TRMT44: variants seen among roughly 807,000 people sequenced by gnomAD.
The protein encoded by TRMT44 is tRNA methyltransferase 44 homolog, also known as probable tRNA (uracil-O(2)-)-methyltransferase.
TRMT44 carries 78 observed loss-of-function variants against 77.3 expected under a neutral mutation model. The ratio of observed to expected loss-of-function variants is 1.01; its 90% CI spans 0.84 to 1.22. The LOEUF (loss-of-function observed/expected upper bound fraction) is 1.22, where lower values mean the gene tolerates loss of function less well. Ranked by LOEUF, TRMT44 falls within the 50% of genes most tolerant of loss-of-function variation. TRMT44 has a pLI of 0.00. For missense variants in TRMT44, 1,090 were observed against 964.4 expected, an observed-to-expected ratio of 1.13 and a Z score of -1.73; for synonymous variants, 391 against 383.3, an observed-to-expected ratio of 1.02 and a Z score of -0.23.
chr4:8,511,651 C>T, the TRMT44 span, among the ~76,000 whole-genome samples: 8 of 151,744 alleles, frequency 5.3e-5, no homozygotes, highest in African/African-American at 1.9e-4. Flanking sequence ...TCGGCTCAAT[C>T]AAGGCTTCTA....
chr4:8,459,331 C>T lies in TRMT44; in HGVS notation c.1203+4518C>T, dbSNP rs80074214. 8.7e-4 allele frequency among the ~76,000 whole-genome samples: 132 copies of T among 152,304 alleles called. 1 individual carries two copies. Among genetic ancestry groups the T allele is most frequent in the African/African-American group, 3.1e-3 (130 of 41,550 alleles). ...TCCAGTGCTGTGTGTGGATGCCTTT[C>T]TAAAGGTAAATGTATTTTATGTACA... is the stretch of plus-strand genomic sequence containing the variant. On this transcript the variant is annotated intron_variant, in intron 6 of 10. Coordinates refer to ENST00000389737, the MANE Select transcript of TRMT44 (RefSeq NM_152544.3).
chr4:8,465,269 A>C, intron 7 of TRMT44, 109 bp from the exon 8 acceptor site: 1 of 991,704 alleles, frequency 1.0e-6, no homozygotes, highest in Non-Finnish European at 1.5e-6. Flanking sequence ...CAGGAACATC[A>C]CTTCCCTATT....
chr4:8,450,795 T>TG (rs1485079030), intron 3 of TRMT44, among the ~76,000 whole-genome samples: 60 of 142,998 alleles, frequency 4.2e-4, no homozygotes, highest in African/African-American at 1.5e-3. Context: ...TTTCCATGTT[T>TG]TTTTTTTTTT....
rs1725531524 is a variant in TRMT44 at position 8,452,709 on chromosome 4, G to A, written c.1024-173G>A. On this transcript the variant is annotated intron_variant, in intron 4 of 10. Transcript: ENST00000389737. This position sits in a 1 kb window ranked among gnomAD's most constrained non-coding sequence, Gnocchi z 5.7. ...AGATTGCATCATTGCACTCTAGCCT[G>A]GGCGGCAAGAGCAACACTCCATCTC... 6.6e-6 allele frequency among the ~76,000 whole-genome samples: 1 copy of A among 151,882 alleles called. No individual in the cohort carries two copies. Among genetic ancestry groups the A allele is most frequent in the Non-Finnish European group, 1.5e-5 (1 of 67,992 alleles).
chr4:8,492,396 A>G (rs772906159), intron 2 of TRMT44, among the ~76,000 whole-genome samples: 4 of 152,206 alleles, frequency 2.6e-5, no homozygotes, highest in African/African-American at 4.8e-5. Flanking sequence ...TGCAAAAATT[A>G]TAACAGAAAA....
At chr4:8,463,376 C>T (rs1330397322) in intron 6 of TRMT44, among the ~76,000 whole-genome samples, 1 of 152,204 alleles carries the variant, frequency 6.6e-6, no homozygotes, top group African/African-American at 2.4e-5. Context: ...CTGTCCTCAG[C>T]TTAACTGCAG....
the TRMT44 span, among the ~76,000 whole-genome samples, chr4:8,499,862 TGAGTCAGGA>T: frequency 0.023 from 3,435 of 152,220 alleles, 74 homozygotes; most frequent in African/African-American, 0.053. Context: ...CCTGAACTCC[TGAGTCAGGA>T]GTTTACTATA....
At chr4:8,483,506 C>T (rs1038894509) in intron 2 of TRMT44, among the ~76,000 whole-genome samples, 1 of 152,098 alleles carries the variant, frequency 6.6e-6, no homozygotes, top group Non-Finnish European at 1.5e-5. Flanking sequence ...CTCAAATGGG[C>T]TGTACCCTGT....
chr4:8,469,975 G>A (rs62287390), intron 9 of TRMT44, among the ~76,000 whole-genome samples: 1 of 152,226 alleles, frequency 6.6e-6, no homozygotes, highest in African/African-American at 2.4e-5. Context: ...CCCTCAAGAG[G>A]CTCCAAGTCC....
chr4:8,456,680 A>G (rs1222951286), intron 6 of TRMT44, among the ~76,000 whole-genome samples: 1 of 152,242 alleles, frequency 6.6e-6, no homozygotes, highest in East Asian at 1.9e-4. Context: ...AAAAGCATAC[A>G]TACAGACTCT....
At chr4:8,502,845 G>T in the TRMT44 span, among the ~76,000 whole-genome samples, 3 of 152,196 alleles carry the variant, frequency 2.0e-5, no homozygotes, top group African/African-American at 4.8e-5. Context: ...TTAATCAAAG[G>T]TGTCAGTGCC....
At chr4:8,500,718 G>A in the TRMT44 span, among the ~76,000 whole-genome samples, 3,716 of 151,148 alleles carry the variant, frequency 0.025, 142 homozygotes, top group African/African-American at 0.084. Flanking sequence ...GTGCAGTGGC[G>A]TTGACCTTGA....
intron 9 of TRMT44, among the ~76,000 whole-genome samples, chr4:8,469,975 G>C (rs62287390): frequency 2.0e-5 from 3 of 152,226 alleles, no homozygotes; most frequent in Non-Finnish European, 4.4e-5. Context: ...CCCTCAAGAG[G>C]CTCCAAGTCC....
At chr4:8,481,495 G>C (rs185276020), downstream of TRMT44, among the ~76,000 whole-genome samples, 1 of 152,028 alleles carries the variant, frequency 6.6e-6, no homozygotes, top group Non-Finnish European at 1.5e-5. Flanking sequence ...TCTCTTCGTC[G>C]ACAACCTGAT....
At chr4:8,498,333 C>T (rs6813671), downstream of TRMT44, among the ~76,000 whole-genome samples, 3,289 of 152,222 alleles carry the variant, frequency 0.022, 61 homozygotes, top group African/African-American at 0.05. This position sits in a 1 kb window ranked among gnomAD's most constrained non-coding sequence, Gnocchi z 4.3. Context: ...CTCCTGTATT[C>T]GTCTGTTCTC....
chr4:8,471,058 GA>G (rs752333810), intron 9 of TRMT44, 25 bp from the exon 10 acceptor site: 1,268 of 1,327,384 alleles, frequency 9.6e-4, no homozygotes, highest in African/African-American at 1.6e-3. Flanking sequence ...TTGTTTTGGG[GA>G]AAAAAAAAAC....
At chr4:8,515,510 G>A in the TRMT44 span, among the ~76,000 whole-genome samples, 4 of 152,226 alleles carry the variant, frequency 2.6e-5, no homozygotes, top group Non-Finnish European at 2.9e-5. Context: ...AGAGACAGAG[G>A]AACAGCAAGT....
At chr4:8,485,993 G>T (rs191452162) in intron 2 of TRMT44, among the ~76,000 whole-genome samples, 4 of 152,188 alleles carry the variant, frequency 2.6e-5, no homozygotes, top group Admixed American at 2.6e-4. Context: ...AAAGCTTGGC[G>T]TTGGTGATGG....
At chr4:8,493,208 G>C (rs1201564635) in intron 2 of TRMT44, 7 of 152,196 alleles carry the variant, frequency 4.6e-5, no homozygotes, top group Admixed American at 3.9e-4. Flanking sequence ...GCGGGATTCT[G>C]AACCTCCTTA....
Sources: allele counts gnomAD v4.1 joint callset (sites outside exome capture counted in the v4.1 genomes callset), GRCh38; gene constraint gnomAD v4.1.1; non-coding constraint Gnocchi (gnomAD v3.1); transcripts MANE v1.5; gene names NCBI Gene and HGNC (gene_info 2026-07-23, HGNC 2026-07-21).